The following ANO10 variants were observed in gnomAD, a reference collection of about 807,000 sequenced individuals.
ANO10 encodes anoctamin-10.
A neutral mutation model predicts 74.7 loss-of-function variants in ANO10; 77 were observed. The observed-to-expected ratio is 1.03, with a 90% CI of 0.86 to 1.25. The LOEUF (loss-of-function observed/expected upper bound fraction) is 1.25. ANO10 is among the 50% of genes most tolerant of loss of function. ANO10 has a pLI of 0.00. For missense variants in ANO10, 721 were observed against 778.1 expected, an observed-to-expected ratio of 0.93 and a Z score of 0.87; for synonymous variants, 279 against 284.9, an observed-to-expected ratio of 0.98 and a Z score of 0.21.
chr3:43,417,183 C>G lies in ANO10; in HGVS notation c.1914+15428G>C, dbSNP rs542739833. 7.3e-4 allele frequency among the ~76,000 whole-genome samples: 111 copies of G among 152,290 alleles called. 1 individual carries two copies. Among genetic ancestry groups the G allele is most frequent in the African/African-American group, 2.6e-3 (107 of 41,554 alleles). On this transcript the variant is annotated intron_variant, in intron 12 of 12. Transcript: ENST00000292246. ...TGTAAAGTCCAGCTGCAGACACAGA[C>G]AGGCAAGCTGGGAACTTGCACGGGT...
At chr3:43,634,642 G>T (rs75517285) in intron 1 of ANO10, among the ~76,000 whole-genome samples, 2,996 of 152,260 alleles carry the variant, frequency 0.02, 259 homozygotes, top group Admixed American at 0.15. Context: ...TTCATCCAGT[G>T]CCTTTCGGAA....
chr3:43,369,663 C>T (rs1409975753), intron 12 of ANO10, among the ~76,000 whole-genome samples: 1 of 152,168 alleles, frequency 6.6e-6, no homozygotes, highest in Non-Finnish European at 1.5e-5. Flanking sequence ...TCCAAGGGCA[C>T]TCTCCCTCCC....
intron 11 of ANO10, among the ~76,000 whole-genome samples, chr3:43,455,761 C>T (rs916983437): frequency 5.3e-5 from 8 of 152,058 alleles, no homozygotes; most frequent in Non-Finnish European, 1.2e-4. Flanking sequence ...TTTTTCCAAA[C>T]ACCATCAGTC....
At chr3:43,579,964 G>A (rs984819721) in intron 5 of ANO10, among the ~76,000 whole-genome samples, 1 of 151,896 alleles carries the variant, frequency 6.6e-6, no homozygotes, top group Non-Finnish European at 1.5e-5. Context: ...ATCAGCCTGA[G>A]CAACACGGCA....
At chr3:43,495,469 CAT>C (rs1442678470) in intron 11 of ANO10, among the ~76,000 whole-genome samples, 6 of 152,212 alleles carry the variant, frequency 3.9e-5, no homozygotes, top group African/African-American at 1.4e-4. Flanking sequence ...ATATTTGTAA[CAT>C]GTGACCAAAG....
intron 1 of ANO10, among the ~76,000 whole-genome samples, chr3:43,666,426 G>T (rs2083993061): frequency 6.6e-6 from 1 of 152,088 alleles, no homozygotes; most frequent in South Asian, 2.1e-4. Context: ...TAATGTAAGA[G>T]ACCTAATTTT....
At chr3:43,514,930 T>C (rs1245907948) in intron 11 of ANO10, among the ~76,000 whole-genome samples, 3 of 152,024 alleles carry the variant, frequency 2.0e-5, no homozygotes, top group Non-Finnish European at 4.4e-5. Context: ...TGAGTAAAAA[T>C]GAAAACACTT....
chr3:43,523,067 G>A (rs2078029759), intron 11 of ANO10, among the ~76,000 whole-genome samples: 1 of 152,212 alleles, frequency 6.6e-6, no homozygotes, highest in African/African-American at 2.4e-5. Flanking sequence ...TCTGGACACA[G>A]GAAAGAGGTT....
intron 11 of ANO10, among the ~76,000 whole-genome samples, chr3:43,461,647 C>T (rs2075383553): frequency 6.6e-6 from 1 of 152,238 alleles, no homozygotes; most frequent in Admixed American, 6.5e-5. Context: ...TGCTGCCATT[C>T]ATGTAAGACG....
intron 12 of ANO10, among the ~76,000 whole-genome samples, chr3:43,382,590 A>T (rs2091999026): frequency 6.6e-6 from 1 of 152,084 alleles, no homozygotes; most frequent in African/African-American, 2.4e-5. Context: ...CAAAAACAAT[A>T]CAAAAGATAA....
chr3:43,650,380 G>A (rs1370367750), intron 1 of ANO10, among the ~76,000 whole-genome samples: 2 of 152,142 alleles, frequency 1.3e-5, no homozygotes, highest in Non-Finnish European at 1.5e-5. Context: ...AAACTTCTCT[G>A]AAAACCGAGA....
intron 11 of ANO10, among the ~76,000 whole-genome samples, chr3:43,547,932 G>A (rs1275495394): frequency 1.3e-5 from 2 of 152,196 alleles, no homozygotes; most frequent in African/African-American, 2.4e-5. Context: ...AGAAGCTAGC[G>A]ATGGACACCA....
chr3:43,369,722 T>C (rs1053593562), intron 12 of ANO10, among the ~76,000 whole-genome samples: 1 of 152,188 alleles, frequency 6.6e-6, no homozygotes, highest in Admixed American at 6.5e-5. Flanking sequence ...GGGTTGCCTG[T>C]GCCCACAATC....
intron 7 of ANO10, among the ~76,000 whole-genome samples, chr3:43,568,281 C>A (rs538002155): frequency 6.6e-6 from 1 of 151,968 alleles, no homozygotes; most frequent in East Asian, 1.9e-4. Context: ...ATCAACGAGA[C>A]AGAAAGTCAA....
intron 11 of ANO10, among the ~76,000 whole-genome samples, chr3:43,506,529 C>G (rs2077300260): frequency 6.6e-6 from 1 of 152,194 alleles, no homozygotes; most frequent in Admixed American, 6.5e-5. Flanking sequence ...CGGCAGCTCC[C>G]ATGCCACCCA....
At chr3:43,446,512 G>A (rs1471644) in intron 11 of ANO10, among the ~76,000 whole-genome samples, 34,206 of 151,956 alleles carry the variant, frequency 0.23, 4,362 homozygotes, top group Middle Eastern at 0.36. Flanking sequence ...TCTGTTCTCC[G>A]CTGATATATT....
chr3:43,464,433 A>G (rs1212219761), intron 11 of ANO10, among the ~76,000 whole-genome samples: 2 of 152,206 alleles, frequency 1.3e-5, no homozygotes, highest in African/African-American at 4.8e-5. Context: ...TAATCCTAGC[A>G]CTTCAGGAGG....
chr3:43,410,710 T>C (rs1346008471), intron 12 of ANO10, among the ~76,000 whole-genome samples: 1 of 152,104 alleles, frequency 6.6e-6, no homozygotes, highest in Non-Finnish European at 1.5e-5. Context: ...TTTATGTAAC[T>C]AGCAAGAAGT....
chr3:43,593,085 A>G (rs927590473), intron 4 of ANO10, among the ~76,000 whole-genome samples: 2 of 152,192 alleles, frequency 1.3e-5, no homozygotes, highest in African/African-American at 4.8e-5. Context: ...AAAAGAACAA[A>G]TCCTCCAAAA....
Sources: gnomAD v4.1 joint callset for allele counts (sites outside exome capture counted in the v4.1 genomes callset) on GRCh38, gnomAD v4.1.1 for gene constraint, MANE v1.5 for transcripts, NCBI Gene and HGNC (gene_info 2026-07-23, HGNC 2026-07-21) for gene names.